Variants in ADARB1 observed in about 807,000 individuals in gnomAD.
ADARB1 encodes adenosine deaminase RNA specific B1.
ADARB1 carries 10 observed loss-of-function variants against 52.4 expected under a neutral mutation model. That is an observed-to-expected ratio of 0.19 (90% CI 0.12 to 0.32). The LOEUF is 0.32. ADARB1 is among the 10% of genes least tolerant of loss of function. The pLI is 1.00. For missense variants in ADARB1, 643 were observed against 922.3 expected, an observed-to-expected ratio of 0.70 and a Z score of 3.92; for synonymous variants, 349 against 371.1, an observed-to-expected ratio of 0.94 and a Z score of 0.68.
chr21:45,139,113 G>A (rs1033990792), intron 2 of ADARB1, among the ~76,000 whole-genome samples: 9 of 152,088 alleles, frequency 5.9e-5, no homozygotes, highest in Non-Finnish European at 1.2e-4. Flanking sequence ...TAGAGACGGG[G>A]TTTTGCTGTG....
At chr21:45,202,383 C>T (rs773147155) in intron 8 of ADARB1, among the ~76,000 whole-genome samples, 7 of 152,226 alleles carry the variant, frequency 4.6e-5, no homozygotes, top group East Asian at 1.9e-4. Flanking sequence ...CAGAATGAGG[C>T]GTAAACAGGT....
In ADARB1 at chr21:45,222,027, C is replaced by A. The variant is rs773853455; in HGVS notation, c.1936C>A (p.His646Asn). 2 of 1,613,672 alleles carry A rather than the reference C, an allele frequency of 1.2e-6. No homozygotes were observed. The highest frequency in any genetic ancestry group is 1.3e-5 in the African/African-American group (1 of 75,048). Residue 646 changes from histidine (H) to asparagine (N), a missense_variant, in exon 11 of 11, where the codon CAC (histidine) becomes AAC (asparagine). Transcript: ENST00000348831. ...WMRVHGKVPS[H>N]LLRSKITKPN... ...TTTTATCCCTTCACAGGTTCCCTCC[C>A]ACTTACTACGCTCCAAGATTACCAA...
At chr21:45,096,842 C>T (rs1204494327) in intron 1 of ADARB1, among the ~76,000 whole-genome samples, 1 of 152,210 alleles carries the variant, frequency 6.6e-6, no homozygotes, top group Non-Finnish European at 1.5e-5. Context: ...CGGGTTCACA[C>T]CATTCTCCTG....
chr21:45,179,495 T>A (rs2091840769), intron 4 of ADARB1, among the ~76,000 whole-genome samples: 1 of 152,238 alleles, frequency 6.6e-6, no homozygotes, highest in Non-Finnish European at 1.5e-5. Context: ...TTTCCCAAAA[T>A]GCCATGGGCT....
At chr21:45,188,831 C>A (rs2092196221) in intron 8 of ADARB1, among the ~76,000 whole-genome samples, 1 of 152,020 alleles carries the variant, frequency 6.6e-6, no homozygotes, top group Non-Finnish European at 1.5e-5. Flanking sequence ...TAGTCCATTT[C>A]CATTTTCATT....
chr21:45,201,898 G>A (rs1191052029), intron 8 of ADARB1, among the ~76,000 whole-genome samples: 2 of 152,100 alleles, frequency 1.3e-5, no homozygotes, highest in African/African-American at 2.4e-5. Flanking sequence ...CCTAAAGTGG[G>A]GGCAGCCATG....
chr21:45,146,728 C>T (rs551009998), intron 2 of ADARB1, among the ~76,000 whole-genome samples: 2 of 152,300 alleles, frequency 1.3e-5, no homozygotes, highest in South Asian at 2.1e-4. Flanking sequence ...TTGTTTTTAT[C>T]GAACTTCTAT....
In ADARB1 at chr21:45,222,358, G is replaced by T; in HGVS notation, c.*161G>T. On this transcript the variant is annotated 3_prime_UTR_variant, in exon 11 of 11. Coordinates refer to ENST00000348831, the MANE Select transcript of ADARB1 (RefSeq NM_001112.4). ...CGGTTGTCCCCAGCATCTCACATCAGACCTGGGGCAGGTGCGCAGTGTGGG... is the reference window on the plus strand; with the variant it reads ...CGGTTGTCCCCAGCATCTCACATCATACCTGGGGCAGGTGCGCAGTGTGGG... The T allele has an allele frequency of 2.9e-6, 4 of 1,375,254 alleles. No individual in the cohort carries two copies. The highest frequency in any genetic ancestry group is 3.7e-6 in the Non-Finnish European group (4 of 1,071,548). The allele number at this position is 1,375,254 out of a possible 1,614,324, so 85.2% of individuals were successfully genotyped here.
At chr21:45,191,346 C>T (rs549253320) in intron 8 of ADARB1, among the ~76,000 whole-genome samples, 3 of 152,198 alleles carry the variant, frequency 2.0e-5, no homozygotes, top group African/African-American at 7.2e-5. Context: ...CAGCACTGTC[C>T]ATGTTTTCTT....
chr21:45,076,461 A>G (rs981626287), intron 1 of ADARB1, among the ~76,000 whole-genome samples: 1 of 152,204 alleles, frequency 6.6e-6, no homozygotes, highest in Admixed American at 6.5e-5. Flanking sequence ...AAGACTGGGT[A>G]TATCCCACTA....
chr21:45,120,803 A>G (rs1297092905), intron 1 of ADARB1: 1 of 152,108 alleles, frequency 6.6e-6, no homozygotes, highest in Non-Finnish European at 1.5e-5. Context: ...GGTAGTGTAT[A>G]TTTTGAGAAC....
intron 1 of ADARB1, among the ~76,000 whole-genome samples, chr21:45,086,508 C>G (rs1039093098): frequency 1.3e-5 from 2 of 152,224 alleles, no homozygotes; most frequent in African/African-American, 4.8e-5. Flanking sequence ...CCAGCCCAGC[C>G]TCAGGCAACC....
At chr21:45,186,980 CTTCT>C (rs1429111755) in intron 8 of ADARB1, among the ~76,000 whole-genome samples, 1 of 152,062 alleles carries the variant, frequency 6.6e-6, no homozygotes, top group Non-Finnish European at 1.5e-5. Context: ...CAACTTTATT[CTTCT>C]TTTTTCAAAA....
chr21:45,108,016 G>T (rs945766659), intron 1 of ADARB1, among the ~76,000 whole-genome samples: 1 of 152,076 alleles, frequency 6.6e-6, no homozygotes, highest in Non-Finnish European at 1.5e-5. Context: ...AGCCATGATG[G>T]TGCCACTCCA....
At chr21:45,104,298 C>T (rs79843819) in intron 1 of ADARB1, among the ~76,000 whole-genome samples, 10,845 of 152,104 alleles carry the variant, frequency 0.071, 445 homozygotes, top group East Asian at 0.15. Context: ...AGGTGCTGTC[C>T]GGGTGCTGTC....
At chr21:45,132,964 C>T (rs1381911652) in intron 2 of ADARB1, among the ~76,000 whole-genome samples, 1 of 152,220 alleles carries the variant, frequency 6.6e-6, no homozygotes, top group East Asian at 1.9e-4. Context: ...CTTCCAAAGC[C>T]ACAGTCAGCG....
intron 9 of ADARB1, among the ~76,000 whole-genome samples, chr21:45,213,028 TCTTC>T (rs770884999): frequency 6.6e-6 from 1 of 152,200 alleles, no homozygotes; most frequent in Non-Finnish European, 1.5e-5. Flanking sequence ...AAACAAAACC[TCTTC>T]CTCATGGAGC....
intron 9 of ADARB1, among the ~76,000 whole-genome samples, chr21:45,212,057 AT>A (rs3215899): frequency 0.51 from 77,563 of 151,986 alleles, 20,137 homozygotes; most frequent in South Asian, 0.57. Context: ...GGGATCTTAT[AT>A]TTTTTGTTAA....
intron 2 of ADARB1, among the ~76,000 whole-genome samples, chr21:45,133,103 A>G (rs988596319): frequency 2.6e-5 from 4 of 152,220 alleles, no homozygotes; most frequent in Non-Finnish European, 4.4e-5. Context: ...CCCTGGTGGA[A>G]TCGGACAGTT....
Sources: gnomAD v4.1 joint callset for allele counts (sites outside exome capture counted in the v4.1 genomes callset) on GRCh38, gnomAD v4.1.1 for gene constraint, MANE v1.5 for transcripts, NCBI Gene and HGNC (gene_info 2026-07-23, HGNC 2026-07-21) for gene names.